The following MICAL2 variants were observed in gnomAD, a reference collection of about 807,000 sequenced individuals.
MICAL2 encodes [F-actin]-monooxygenase MICAL2.
In MICAL2, 77 loss-of-function variants were observed where a neutral mutation model predicts 127.3. The observed-to-expected ratio is 0.60, with a 90% CI of 0.50 to 0.73. The LOEUF (loss-of-function observed/expected upper bound fraction) is 0.73. Ranked by LOEUF, MICAL2 falls within the 30% of genes least tolerant of loss-of-function variation. The pLI is 0.00. For synonymous variants in MICAL2, 570 were observed against 551.1 expected (o/e 1.03, Z -0.48); for missense variants, 1,351 against 1,434.4 (o/e 0.94, Z 0.94).
At chr11:12,292,163 A>G, downstream of MICAL2, 1 of 1,613,992 alleles carries the variant, frequency 6.2e-7, no homozygotes, top group South Asian at 1.1e-5. Context: ...AGTGAACAAA[A>G]GAACTATGTC....
At chr11:12,355,707 A>G (rs938664627) in intron 34 of MICAL2, among the ~76,000 whole-genome samples, 2 of 152,178 alleles carry the variant, frequency 1.3e-5, no homozygotes, top group Non-Finnish European at 2.9e-5. Flanking sequence ...TAGAAAACTG[A>G]GTCTCAGAGA....
chr11:12,194,727 C>T (rs978990537), intron 3 of MICAL2, among the ~76,000 whole-genome samples: 5 of 152,066 alleles, frequency 3.3e-5, no homozygotes, highest in African/African-American at 1.2e-4. Flanking sequence ...CCTTACCCCT[C>T]GACTAGGAGC....
intron 32 of MICAL2, among the ~76,000 whole-genome samples, chr11:12,335,647 G>A (rs1169036051): frequency 6.6e-6 from 1 of 152,150 alleles, no homozygotes; most frequent in Non-Finnish European, 1.5e-5. Context: ...GTAAGGAAGG[G>A]ATCCAGTTTC....
At chr11:12,122,365 G>A (rs1259394324) in intron 1 of MICAL2, among the ~76,000 whole-genome samples, 1 of 152,272 alleles carries the variant, frequency 6.6e-6, no homozygotes, top group East Asian at 1.9e-4. Context: ...TGTTGCCGCA[G>A]GCCTCTCATT....
At chr11:12,249,801 A>G (rs1861296500) in intron 22 of MICAL2, 1 of 152,356 alleles carries the variant, frequency 6.6e-6, no homozygotes, top group African/African-American at 2.4e-5. Context: ...ATCTTGGCTC[A>G]GTTCCAGGCA....
intron 3 of MICAL2, among the ~76,000 whole-genome samples, chr11:12,185,823 T>G (rs564587240): frequency 6.6e-6 from 1 of 152,352 alleles, no homozygotes; most frequent in East Asian, 1.9e-4. Context: ...GTGACCCTTT[T>G]GTACTCTGTC....
At chr11:12,245,305 C>T (rs575960783) in intron 21 of MICAL2, among the ~76,000 whole-genome samples, 11 of 152,174 alleles carry the variant, frequency 7.2e-5, no homozygotes, top group Non-Finnish European at 8.8e-5. Context: ...CTGCACGTGC[C>T]GCTGCCAGAA....
chr11:12,318,572 A>T (rs1864256821), intron 29 of MICAL2, among the ~76,000 whole-genome samples: 1 of 152,206 alleles, frequency 6.6e-6, no homozygotes, highest in Non-Finnish European at 1.5e-5. Flanking sequence ...GCTGGAGAGA[A>T]TGTTAGTTGA....
At position 12,162,067 on chromosome 11, in the gene MICAL2, C is replaced by T; in HGVS notation, c.-77-12C>T. 6.4e-7 allele frequency: 1 copy of T among 1,571,946 alleles called. No homozygotes were observed. Among genetic ancestry groups the T allele is most frequent in the Non-Finnish European group, 8.7e-7 (1 of 1,155,448 alleles). ...GTCCAAAGCTGACCTCTGCCTCCCC[C>T]TACTTTCACAGGTGTGACGTTTCTC... On this transcript the variant is annotated splice_polypyrimidine_tract_variant and intron_variant, in intron 2 of 27. Transcript: ENST00000683283.
intron 1 of MICAL2, among the ~76,000 whole-genome samples, chr11:12,122,751 C>G (rs1157104487): frequency 6.6e-6 from 1 of 152,168 alleles, no homozygotes; most frequent in Non-Finnish European, 1.5e-5. Context: ...AGTCAAAGCA[C>G]CTGTGTGTGC....
rs1026763911 is a variant in MICAL2, at chr11:12,225,835, C to T, written c.1689-336C>T. ...AACTTGATGTTTTTTACAAGATGCC[C>T]ATTTTACTTTTGTAATTAAAAAGAA... is the stretch of plus-strand genomic sequence containing the variant. On this transcript the variant is annotated intron_variant, in intron 13 of 27. Transcript: ENST00000683283. The T allele has an allele frequency of 1.3e-5, 4 of 305,124 alleles. No individual in the cohort carries two copies. In the East Asian group the frequency reaches 3.1e-4, roughly 23 times the overall value. The allele number at this position is 305,124 out of a possible 1,614,324, so 18.9% of individuals were successfully genotyped here.
chr11:12,334,618 C>G (rs1472391213), intron 32 of MICAL2, among the ~76,000 whole-genome samples: 1 of 126,226 alleles, frequency 7.9e-6, no homozygotes, highest in Non-Finnish European at 1.7e-5. Flanking sequence ...CACCCCCCCA[C>G]AACAGTCCCC....
chr11:12,146,217 G>T (rs1852885082), intron 2 of MICAL2, among the ~76,000 whole-genome samples: 1 of 151,960 alleles, frequency 6.6e-6, no homozygotes, highest in Admixed American at 6.5e-5. Flanking sequence ...TGACAAACGG[G>T]ATCTAATTAA....
At chr11:12,291,728 T>TA (rs1403869243), downstream of MICAL2, among the ~76,000 whole-genome samples, 1 of 152,370 alleles carries the variant, frequency 6.6e-6, no homozygotes, top group Non-Finnish European at 1.5e-5. Flanking sequence ...TGCCCATGGC[T>TA]AAAGGTCTAG....
chr11:12,147,272 G>A (rs1231805390), intron 2 of MICAL2, among the ~76,000 whole-genome samples: 3 of 152,072 alleles, frequency 2.0e-5, no homozygotes, highest in Non-Finnish European at 2.9e-5. Flanking sequence ...CTCTAAAGGT[G>A]CTACCATGGA....
chr11:12,353,301 C>T (rs1423421066), intron 33 of MICAL2, among the ~76,000 whole-genome samples: 1 of 152,196 alleles, frequency 6.6e-6, no homozygotes, highest in African/African-American at 2.4e-5. Context: ...TTGCAGTGAA[C>T]ACCTTTGACC....
intron 34 of MICAL2, among the ~76,000 whole-genome samples, chr11:12,357,572 T>A (rs1939147294): frequency 6.6e-6 from 1 of 152,150 alleles, no homozygotes. Flanking sequence ...GGCGCTGTGG[T>A]TCATGCCTGT....
At chr11:12,313,041 G>A (rs1217885631) in intron 29 of MICAL2, among the ~76,000 whole-genome samples, 2 of 151,968 alleles carry the variant, frequency 1.3e-5, no homozygotes, top group Admixed American at 6.6e-5. Flanking sequence ...CATGGCGGGC[G>A]CCTGTAGTCC....
At chr11:12,294,211 G>A, downstream of MICAL2, 1 of 1,614,090 alleles carries the variant, frequency 6.2e-7, no homozygotes, top group Non-Finnish European at 8.5e-7. Flanking sequence ...CTCAAGGGGA[G>A]CGAAACGTGC....
Sources: allele counts gnomAD v4.1 joint callset (sites outside exome capture counted in the v4.1 genomes callset), GRCh38; gene constraint gnomAD v4.1.1; transcripts MANE v1.5; gene names NCBI Gene and HGNC (gene_info 2026-07-23, HGNC 2026-07-21).